The following DCPS variants were observed in gnomAD, a reference collection of about 807,000 sequenced individuals.
The protein encoded by DCPS is m7GpppX diphosphatase.
A neutral mutation model predicts 34.7 loss-of-function variants in DCPS; 27 were observed. That is an observed-to-expected ratio of 0.78 (90% CI 0.57 to 1.07). The LOEUF is 1.07. DCPS is among the 50% of genes least tolerant of loss of function. DCPS has a pLI of 0.00. For synonymous variants in DCPS, 185 were observed against 185.7 expected (o/e 1.00, Z 0.03); for missense variants, 464 against 436.9 (o/e 1.06, Z -0.55).
At chr11:126,308,771 A>G (rs1565370845) in intron 2 of DCPS, among the ~76,000 whole-genome samples, 2 of 138,582 alleles carry the variant, frequency 1.4e-5, no homozygotes, top group Non-Finnish European at 3.0e-5. Context: ...TCTGCCCGAC[A>G]GATGAACCCT....
chr11:126,341,456 C>T (rs1951875479), intron 4 of DCPS: 2 of 152,222 alleles, frequency 1.3e-5, no homozygotes, highest in Admixed American at 6.5e-5. Flanking sequence ...GGATTATTTT[C>T]CCTCCCTTAC....
Position 126,323,350 on chromosome 11 carries a change from C to T in DCPS, c.377-8055C>T, listed in dbSNP as rs116812023. The stretch of plus-strand genomic sequence containing the variant: ...AATACAATTATTGTTTTACCTTGAG[C>T]GGTAGAAAGTTCAGCTTTAGAAACA... On this transcript the variant is annotated intron_variant, in intron 2 of 5. Coordinates refer to ENST00000263579, the MANE Select transcript of DCPS (RefSeq NM_014026.6). The surrounding 1 kb of genome is among the most constrained non-coding windows in gnomAD (Gnocchi z 4.4). Among the ~76,000 whole-genome samples, 54 of 152,146 alleles carry T rather than the reference C, an allele frequency of 3.5e-4. No individual in the cohort carries two copies. The highest frequency in any genetic ancestry group is 3.4e-3 in the Middle Eastern group (1 of 294).
At position 126,347,740 on chromosome 11, in the gene DCPS, GTCT is replaced by G. The variant is rs776942112; in HGVS notation, c.*2131_*2133del. On this transcript the variant is annotated 3_prime_UTR_variant, in exon 6 of 6. Transcript: ENST00000263579. The surrounding 1 kb of genome is among the most constrained non-coding windows in gnomAD (Gnocchi z 4.2). ...GGTCTTGGCAGGAGGTTGGATGGAG[GTCT>G]TCTCCCAGAGCAGTGTCCAGCTTGC... is the stretch of plus-strand genomic sequence containing the variant. Among the ~76,000 whole-genome samples the G allele has an allele frequency of 6.6e-6, 1 of 152,212 alleles. No homozygotes were observed. Among genetic ancestry groups the G allele is most frequent in the Non-Finnish European group, 1.5e-5 (1 of 68,028 alleles).
intron 2 of DCPS, among the ~76,000 whole-genome samples, chr11:126,318,025 T>C (rs888907460): frequency 6.6e-6 from 1 of 152,158 alleles, no homozygotes; most frequent in African/African-American, 2.4e-5. Context: ...CCTGGAGTTT[T>C]GCCATCCGGT....
At position 126,312,525 on chromosome 11, in the gene DCPS, G is replaced by C; in HGVS notation, c.376+5781G>C. ...AGCTAATTTTTTTGTATTTTTAATA[G>C]AGATGGGTTTTCACCACGTTGGCCA... On this transcript the variant is annotated intron_variant, in intron 2 of 5. Coordinates refer to ENST00000263579, the MANE Select transcript of DCPS (RefSeq NM_014026.6). The surrounding 1 kb of genome is among the most constrained non-coding windows in gnomAD (Gnocchi z 5.1). Among the ~76,000 whole-genome samples the C allele has an allele frequency of 6.6e-6, 1 of 151,914 alleles. No homozygotes were observed.
rs530498655 is a variant in DCPS at position 126,323,068 on chromosome 11, T to A, written c.377-8337T>A. Among the ~76,000 whole-genome samples, 144 of 152,024 alleles carry A rather than the reference T, an allele frequency of 9.5e-4. No individual in the cohort carries two copies. Among genetic ancestry groups the A allele is most frequent in the Admixed American group, 2.0e-3 (30 of 15,266 alleles). ...TCTCGAACTCCTGGGCTCAATAGAT[T>A]TCCCCCCTGTTTCAGCCTCCCAAAG... On this transcript the variant is annotated intron_variant, in intron 2 of 5. Transcript: ENST00000263579. This position sits in a 1 kb window ranked among gnomAD's most constrained non-coding sequence, Gnocchi z 4.4.
intron 2 of DCPS, among the ~76,000 whole-genome samples, chr11:126,330,349 G>A (rs1392007949): frequency 1.3e-5 from 2 of 152,144 alleles, no homozygotes; most frequent in South Asian, 2.1e-4. Flanking sequence ...AATGTCAGTG[G>A]TGCTGAGATT....
rs377069727 is a variant in DCPS, at chr11:126,338,274, C to T, written c.523-12C>T. The T allele has an allele frequency of 2.9e-5, 47 of 1,613,344 alleles. No individual in the cohort carries two copies. The East Asian group carries it at 6.5e-4, about 22-fold the overall frequency. ...GTGGATTTGTGAACCATCTCTCTCC[C>T]CCTCCTTTCAGTGGGTGTATAACAT... On this transcript the variant is annotated splice_polypyrimidine_tract_variant and intron_variant, in intron 3 of 5. Coordinates refer to ENST00000263579, the MANE Select transcript of DCPS (RefSeq NM_014026.6). The surrounding 1 kb of genome is among the most constrained non-coding windows in gnomAD (Gnocchi z 5.4).
At position 126,313,849 on chromosome 11, in the gene DCPS, T is replaced by C. The variant is rs1001126433; in HGVS notation, c.376+7105T>C. Among the ~76,000 whole-genome samples the C allele has an allele frequency of 6.6e-6, 1 of 152,244 alleles. No individual in the cohort carries two copies. Among genetic ancestry groups the C allele is most frequent in the Non-Finnish European group, 1.5e-5 (1 of 68,044 alleles). On this transcript the variant is annotated intron_variant, in intron 2 of 5. Transcript: ENST00000263579. This position sits in a 1 kb window ranked among gnomAD's most constrained non-coding sequence, Gnocchi z 4.9. ...GTTTTTAAGTGGTACATATTTTATA[T>C]ACATACACACCTGTGTTTTATATGT...
At chr11:126,306,825 C>G in intron 2 of DCPS, 81 bp downstream of exon 2, 2 of 1,480,654 alleles carry the variant, frequency 1.4e-6, no homozygotes, top group Non-Finnish European at 1.8e-6. Context: ...ACCAGACTCT[C>G]TATACCCGAT....
intron 2 of DCPS, among the ~76,000 whole-genome samples, chr11:126,317,929 ACT>A (rs1306037867): frequency 1.3e-5 from 2 of 151,760 alleles, no homozygotes; most frequent in Admixed American, 6.6e-5. Flanking sequence ...CGCGTTTCCC[ACT>A]CTCTATCCAT....
chr11:126,330,522 A>T (rs943444840), intron 2 of DCPS, among the ~76,000 whole-genome samples: 9 of 151,610 alleles, frequency 5.9e-5, no homozygotes, highest in Non-Finnish European at 7.4e-5. Context: ...AGGGGCACCA[A>T]GAGGTTAAAC....
rs1258988824 is a variant in DCPS, at chr11:126,304,116, G to A, written c.36G>A (p.Lys12=). The change falls in exon 1 of 6, where the codon AAG becomes AAA. Residue 12 remains lysine (K), a synonymous_variant. Transcript: ENST00000263579. ...CAGCTCCTCAACTAGGCAAGAGGAA[G>A]CGCGAATTGGACGTGGAGGAGGCCC... ...ADAAPQLGKR[K]RELDVEEAHA... The A allele has an allele frequency of 6.2e-7, 1 of 1,613,432 alleles. No individual in the cohort carries two copies. Among genetic ancestry groups the A allele is most frequent in the Admixed American group, 1.7e-5 (1 of 59,870 alleles).
At chr11:126,307,099 G>A (rs1050918171) in intron 2 of DCPS, among the ~76,000 whole-genome samples, 7 of 152,072 alleles carry the variant, frequency 4.6e-5, no homozygotes, top group African/African-American at 1.4e-4. Context: ...GGAGGCCACG[G>A]CGGGCAGATC....
intron 2 of DCPS, among the ~76,000 whole-genome samples, chr11:126,318,278 G>A (rs932976475): frequency 6.6e-6 from 1 of 152,204 alleles, no homozygotes; most frequent in Non-Finnish European, 1.5e-5. Context: ...CTTCAGCCGT[G>A]TTTATCCTTG....
intron 1 of DCPS, 78 bp from the exon 2 acceptor site, chr11:126,306,492 C>T: frequency 1.6e-5 from 22 of 1,419,000 alleles, no homozygotes; most frequent in Non-Finnish European, 2.1e-5. Flanking sequence ...TTCAAAGGCC[C>T]TGGGAGCTTC....
chr11:126,304,562 T>C (rs967488527), intron 1 of DCPS, among the ~76,000 whole-genome samples: 1 of 151,992 alleles, frequency 6.6e-6, no homozygotes, highest in Non-Finnish European at 1.5e-5. Flanking sequence ...CATGTTACAT[T>C]CCCCAAGCCA....
intron 4 of DCPS, chr11:126,341,970 A>G (rs1052576153): frequency 1.3e-5 from 2 of 152,274 alleles, no homozygotes; most frequent in Non-Finnish European, 2.9e-5. Flanking sequence ...TCAGCCAGTC[A>G]TATAGAAAAG....
At chr11:126,305,237 C>A (rs1028513662) in intron 1 of DCPS, among the ~76,000 whole-genome samples, 15 of 152,078 alleles carry the variant, frequency 9.9e-5, no homozygotes, top group Non-Finnish European at 1.9e-4. Flanking sequence ...CCTCAGCCTG[C>A]CCAATAGCTG....
Sources: gnomAD v4.1 joint callset for allele counts (sites outside exome capture counted in the v4.1 genomes callset) on GRCh38, gnomAD v4.1.1 for gene constraint, Gnocchi (gnomAD v3.1) non-coding constraint, MANE v1.5 for transcripts, NCBI Gene and HGNC (gene_info 2026-07-23, HGNC 2026-07-21) for gene names.